The following CAMTA1 variants were observed in gnomAD, a reference collection of about 807,000 sequenced individuals.
CAMTA1 encodes the protein calmodulin binding transcription activator 1.
In CAMTA1, 27 loss-of-function variants were observed where a neutral mutation model predicts 170.9. That is an observed-to-expected ratio of 0.16 (90% CI 0.12 to 0.22). CAMTA1 has a LOEUF of 0.22. Ranked by LOEUF, CAMTA1 falls within the 10% of genes least tolerant of loss-of-function variation. CAMTA1 has a pLI of 1.00. For missense variants in CAMTA1, 1,619 were observed against 2,217.2 expected (o/e 0.73, Z 5.42); for synonymous variants, 833 against 891.5 (o/e 0.93, Z 1.17).
At chr1:7,165,890 T>C (rs1403581292) in intron 4 of CAMTA1, among the ~76,000 whole-genome samples, 2 of 152,208 alleles carry the variant, frequency 1.3e-5, no homozygotes, top group Non-Finnish European at 2.9e-5. Flanking sequence ...TACAGAGAGA[T>C]GATAGAGAGA....
At chr1:7,428,026 C>G (rs1036599242) in intron 5 of CAMTA1, among the ~76,000 whole-genome samples, 7 of 152,180 alleles carry the variant, frequency 4.6e-5, no homozygotes, top group Admixed American at 1.3e-4. Context: ...AAGCAGGAAG[C>G]AGGCAGCACT....
At chr1:6,811,189 T>G (rs994509226) in intron 1 of CAMTA1, among the ~76,000 whole-genome samples, 5 of 152,236 alleles carry the variant, frequency 3.3e-5, no homozygotes, top group Admixed American at 3.3e-4. Context: ...ATCTGCCCTC[T>G]TGCCTTATGG....
chr1:7,455,707 C>T lies in CAMTA1; in HGVS notation c.439-12123C>T, dbSNP rs1288781435. 6.6e-6 allele frequency among the ~76,000 whole-genome samples: 1 copy of T among 152,248 alleles called. No homozygotes were observed. Among genetic ancestry groups the T allele is most frequent in the Non-Finnish European group, 1.5e-5 (1 of 68,040 alleles). On this transcript the variant is annotated intron_variant, in intron 5 of 22. Transcript: ENST00000303635. The surrounding 1 kb of genome is among the most constrained non-coding windows in gnomAD (Gnocchi z 5.0). ...CGCTGGGGAGCTGGATGCCAGCAGGCTCTGGAGCTGAGTAGTAACCACAGC... is the reference window on the plus strand; with the variant it reads ...CGCTGGGGAGCTGGATGCCAGCAGGTTCTGGAGCTGAGTAGTAACCACAGC...
intron 22 of CAMTA1, among the ~76,000 whole-genome samples, chr1:7,762,267 GT>G: frequency 6.6e-6 from 1 of 152,184 alleles, no homozygotes; most frequent in African/African-American, 2.4e-5. Context: ...GATAATAATG[GT>G]TAAACTTCTA....
intron 22 of CAMTA1, 84 bp from the exon 23 acceptor site, chr1:7,766,375 G>A (rs1403162443): frequency 7.1e-6 from 9 of 1,271,626 alleles, no homozygotes; most frequent in Non-Finnish European, 1.0e-5. Context: ...TCAGTTCAGA[G>A]GGAGTGGTAA....
chr1:6,927,088 A>G (rs1683436277), intron 3 of CAMTA1, among the ~76,000 whole-genome samples: 1 of 151,692 alleles, frequency 6.6e-6, no homozygotes, highest in Non-Finnish European at 1.5e-5. Flanking sequence ...GCAGTGGCAC[A>G]ATCATAACTC....
chr1:7,331,708 T>C (rs1432999483), intron 5 of CAMTA1, among the ~76,000 whole-genome samples: 1 of 152,196 alleles, frequency 6.6e-6, no homozygotes, highest in African/African-American at 2.4e-5. Flanking sequence ...AACCATGTGC[T>C]CAGCAAGACA....
intron 3 of CAMTA1, among the ~76,000 whole-genome samples, chr1:7,077,503 C>A (rs953281364): frequency 2.6e-5 from 4 of 152,010 alleles, no homozygotes; most frequent in Non-Finnish European, 5.9e-5. Context: ...CTCTTTGTGA[C>A]TCTTCTCTGG....
intron 22 of CAMTA1, among the ~76,000 whole-genome samples, chr1:7,764,644 C>T (rs1226350008): frequency 6.6e-6 from 1 of 152,118 alleles, no homozygotes; most frequent in African/African-American, 2.4e-5. Flanking sequence ...ACACTATTTT[C>T]TTTCTGCCTG....
In CAMTA1 at chr1:7,119,380, A is replaced by C. The variant is rs1644514169; in HGVS notation, c.302+28009A>C. Among the ~76,000 whole-genome samples the C allele has an allele frequency of 3.3e-5, 5 of 152,094 alleles. No homozygotes were observed. In the South Asian group the frequency reaches 1.0e-3, roughly 32 times the overall value. ...ATTGTATTAAACATGAGAGACACAA[A>C]CCACAGGGCTCCTAACCTCCCCATA... On this transcript the variant is annotated intron_variant, in intron 4 of 22. Coordinates refer to ENST00000303635, the MANE Select transcript of CAMTA1 (RefSeq NM_015215.4).
intron 3 of CAMTA1, among the ~76,000 whole-genome samples, chr1:6,875,861 CAAG>C (rs984408989): frequency 1.3e-5 from 2 of 152,162 alleles, no homozygotes; most frequent in Non-Finnish European, 2.9e-5. Flanking sequence ...ATTTTGTAAA[CAAG>C]AAAACAAATA....
chr1:6,867,049 C>G (rs903485221), intron 3 of CAMTA1, among the ~76,000 whole-genome samples: 2 of 152,186 alleles, frequency 1.3e-5, no homozygotes, highest in African/African-American at 2.4e-5. Flanking sequence ...TCCCCACCCA[C>G]CATTCTTAAG....
At chr1:7,305,916 A>G (rs1675521503) in intron 5 of CAMTA1, among the ~76,000 whole-genome samples, 1 of 152,032 alleles carries the variant, frequency 6.6e-6, no homozygotes, top group South Asian at 2.1e-4. Context: ...ATGGTTAACG[A>G]TGTTGAACAA....
rs538342982 is a variant in CAMTA1 at position 7,665,270 on chromosome 1, G to A, written c.2652+71G>A. 3 of 1,290,396 alleles carry A rather than the reference G, an allele frequency of 2.3e-6. No individual in the cohort carries two copies. The highest frequency in any genetic ancestry group is 4.1e-5 in the South Asian group (2 of 49,204). 79.9% of individuals were successfully genotyped at this position (1,290,396 alleles called of 1,614,324 possible). ...ACCTCGCCAGCCCCTGCGCCACCCT[G>A]CAGCTAAGGGATGCCTGTGGCTGCC... On this transcript the variant is annotated intron_variant, in intron 9 of 22. Transcript: ENST00000303635. This position sits in a 1 kb window ranked among gnomAD's most constrained non-coding sequence, Gnocchi z 4.3.
intron 6 of CAMTA1, among the ~76,000 whole-genome samples, chr1:7,474,867 C>T (rs185543777): frequency 3.9e-5 from 6 of 152,342 alleles, no homozygotes; most frequent in Admixed American, 6.5e-5. Context: ...AGCCTCTCCC[C>T]GCACCCCACT....
At chr1:7,371,063 T>C (rs1017301501) in intron 5 of CAMTA1, among the ~76,000 whole-genome samples, 29 of 150,368 alleles carry the variant, frequency 1.9e-4, no homozygotes, top group South Asian at 8.6e-4. Flanking sequence ...AGGTGCCCAC[T>C]ACCACGCGCA....
chr1:7,557,400 C>T (rs1280156149), intron 6 of CAMTA1, among the ~76,000 whole-genome samples: 1 of 152,122 alleles, frequency 6.6e-6, no homozygotes, highest in Non-Finnish European at 1.5e-5. Flanking sequence ...AGCTCTCTCC[C>T]CACCCTGAGC....
chr1:6,816,281 A>G (rs1354401549), intron 1 of CAMTA1, among the ~76,000 whole-genome samples: 2 of 152,194 alleles, frequency 1.3e-5, no homozygotes, highest in Non-Finnish European at 2.9e-5. Context: ...TTTCCTTTAT[A>G]GGAATTTACC....
At chr1:7,040,265 G>A (rs945452606) in intron 3 of CAMTA1, among the ~76,000 whole-genome samples, 4 of 151,738 alleles carry the variant, frequency 2.6e-5, no homozygotes, top group African/African-American at 9.7e-5. Flanking sequence ...TCTTGATAGC[G>A]TAATGCCAGG....
Sources: allele counts gnomAD v4.1 joint callset (sites outside exome capture counted in the v4.1 genomes callset), GRCh38; gene constraint gnomAD v4.1.1; non-coding constraint Gnocchi (gnomAD v3.1); transcripts MANE v1.5; gene names NCBI Gene and HGNC (gene_info 2026-07-23, HGNC 2026-07-21).